GPC6: variants seen among roughly 807,000 people sequenced by gnomAD.
GPC6 encodes the protein glypican-6.
In GPC6, 14 loss-of-function variants were observed where a neutral mutation model predicts 55.2. That is an observed-to-expected ratio of 0.25 (90% CI 0.17 to 0.40). The LOEUF is 0.40. GPC6 is among the 10% of genes least tolerant of loss of function. The pLI is 1.00. For missense variants in GPC6, 641 were observed against 708.5 expected, an observed-to-expected ratio of 0.90 and a Z score of 1.08; for synonymous variants, 278 against 259.6, an observed-to-expected ratio of 1.07 and a Z score of -0.68.
chr13:93,806,816 C>G (rs1283939722), intron 2 of GPC6, among the ~76,000 whole-genome samples: 1 of 152,150 alleles, frequency 6.6e-6, no homozygotes, highest in Non-Finnish European at 1.5e-5. Flanking sequence ...GAAGCAATTA[C>G]CCTGACTCTA....
intron 1 of GPC6, among the ~76,000 whole-genome samples, chr13:93,464,513 G>A (rs761159231): frequency 1.3e-5 from 2 of 152,130 alleles, no homozygotes; most frequent in Non-Finnish European, 2.9e-5. Flanking sequence ...TGACATTTTT[G>A]CTCACCCATA....
intron 1 of GPC6, among the ~76,000 whole-genome samples, chr13:93,481,229 T>C (rs1879511265): frequency 1.3e-5 from 2 of 152,190 alleles, no homozygotes; most frequent in Non-Finnish European, 2.9e-5. Flanking sequence ...TGATTGTTTG[T>C]ATATCTCTTT....
chr13:93,570,681 A>C (rs775890453), intron 2 of GPC6, among the ~76,000 whole-genome samples: 1 of 152,178 alleles, frequency 6.6e-6, no homozygotes, highest in Admixed American at 6.6e-5. Context: ...ACATATAACA[A>C]AGAACTTTTT....
chr13:93,464,306 T>G (rs1878821578), intron 1 of GPC6, among the ~76,000 whole-genome samples: 1 of 152,206 alleles, frequency 6.6e-6, no homozygotes, highest in Admixed American at 6.5e-5. Flanking sequence ...CTTTCTTTGG[T>G]GAAGTATTTC....
At chr13:94,371,697 A>G (rs183581388) in intron 6 of GPC6, among the ~76,000 whole-genome samples, 2 of 152,286 alleles carry the variant, frequency 1.3e-5, no homozygotes, top group Admixed American at 6.5e-5. Flanking sequence ...CTCTTTCCCA[A>G]CTTTTCATTA....
At chr13:93,838,709 A>G (rs1373622788) in intron 3 of GPC6, among the ~76,000 whole-genome samples, 1 of 152,088 alleles carries the variant, frequency 6.6e-6, no homozygotes, top group Admixed American at 6.6e-5. Context: ...TTAACCAGAC[A>G]AGGGGTGATG....
At chr13:93,764,841 C>T (rs1206923972) in intron 2 of GPC6, among the ~76,000 whole-genome samples, 2 of 151,988 alleles carry the variant, frequency 1.3e-5, no homozygotes, top group African/African-American at 4.8e-5. Flanking sequence ...GCTCTCTTGC[C>T]CAGGCTGGAG....
intron 1 of GPC6, among the ~76,000 whole-genome samples, chr13:93,393,456 AT>A (rs1286528533): frequency 6.6e-6 from 1 of 151,972 alleles, no homozygotes; most frequent in Non-Finnish European, 1.5e-5. Flanking sequence ...ATTTGCTATA[AT>A]TTTGTGACCC....
At chr13:94,017,787 T>A (rs1271898416) in intron 3 of GPC6, among the ~76,000 whole-genome samples, 1 of 152,002 alleles carries the variant, frequency 6.6e-6, no homozygotes, top group Non-Finnish European at 1.5e-5. Context: ...CAAGCAATTA[T>A]CTGTCTCAGC....
At chr13:93,375,669 G>C (rs1310129046) in intron 1 of GPC6, among the ~76,000 whole-genome samples, 1 of 152,188 alleles carries the variant, frequency 6.6e-6, no homozygotes, top group Non-Finnish European at 1.5e-5. Flanking sequence ...TGGACAACCT[G>C]TACAACAAGA....
At chr13:94,387,121 G>A (rs1234299158) in intron 7 of GPC6, among the ~76,000 whole-genome samples, 1 of 152,096 alleles carries the variant, frequency 6.6e-6, no homozygotes, top group African/African-American at 2.4e-5. Flanking sequence ...CAGTCTGCAG[G>A]GTGCAATCTG....
intron 2 of GPC6, among the ~76,000 whole-genome samples, chr13:93,791,912 A>G (rs1370918690): frequency 6.6e-6 from 1 of 152,248 alleles, no homozygotes; most frequent in East Asian, 1.9e-4. Flanking sequence ...GTACTTAGAA[A>G]TTAATTTTCG....
At chr13:94,057,776 T>G (rs191978322) in intron 4 of GPC6, among the ~76,000 whole-genome samples, 1 of 152,148 alleles carries the variant, frequency 6.6e-6, no homozygotes, top group African/African-American at 2.4e-5. Context: ...AGAAACCAAG[T>G]GCTTCTAAGA....
At chr13:94,004,313 C>A (rs2140427539) in intron 3 of GPC6, among the ~76,000 whole-genome samples, 1 of 151,996 alleles carries the variant, frequency 6.6e-6, no homozygotes, top group African/African-American at 2.4e-5. Flanking sequence ...GAGATAATCA[C>A]ATGGTATACT....
At chr13:94,241,080 A>G (rs1002962275) in intron 4 of GPC6, among the ~76,000 whole-genome samples, 1 of 152,152 alleles carries the variant, frequency 6.6e-6, no homozygotes, top group African/African-American at 2.4e-5. Context: ...AGATGTGGTC[A>G]TGAGGATGGA....
intron 2 of GPC6, among the ~76,000 whole-genome samples, chr13:93,606,851 T>C (rs1878257645): frequency 2.0e-5 from 3 of 152,200 alleles, no homozygotes; most frequent in African/African-American, 7.2e-5. Context: ...AATCCAACTG[T>C]CAATCCTCTA....
intron 2 of GPC6, among the ~76,000 whole-genome samples, chr13:93,754,704 A>T (rs548173573): frequency 9.9e-5 from 15 of 150,982 alleles, no homozygotes; most frequent in African/African-American, 3.6e-4. Flanking sequence ...TTTTTATTTA[A>T]AAAAAAAAAA....
At chr13:93,339,158 T>C (rs1880148061) in intron 1 of GPC6, among the ~76,000 whole-genome samples, 1 of 152,196 alleles carries the variant, frequency 6.6e-6, no homozygotes, top group Non-Finnish European at 1.5e-5. Context: ...CACTAGTTCC[T>C]AGTTCTCATC....
At chr13:93,397,821 G>A (rs894653718) in intron 1 of GPC6, among the ~76,000 whole-genome samples, 2 of 150,608 alleles carry the variant, frequency 1.3e-5, no homozygotes, top group Admixed American at 1.3e-4. Flanking sequence ...TACTCAACTT[G>A]GAAGCCTGTC....
Sources: gnomAD v4.1 joint callset for allele counts (sites outside exome capture counted in the v4.1 genomes callset) on GRCh38, gnomAD v4.1.1 for gene constraint, MANE v1.5 for transcripts, NCBI Gene and HGNC (gene_info 2026-07-23, HGNC 2026-07-21) for gene names.